The following MACROD2 variants were observed in gnomAD, a reference collection of about 807,000 sequenced individuals.
MACROD2 encodes mono-ADP ribosylhydrolase 2.
In MACROD2, 36 loss-of-function variants were observed where a neutral mutation model predicts 70.4. The observed-to-expected ratio is 0.51, with a 90% CI of 0.39 to 0.68. The LOEUF (loss-of-function observed/expected upper bound fraction) is 0.68. Ranked by LOEUF, MACROD2 falls within the 30% of genes least tolerant of loss-of-function variation. MACROD2 has a pLI of 0.00. For synonymous variants in MACROD2, 172 were observed against 178.8 expected (o/e 0.96, Z 0.30); for missense variants, 496 against 538.4 (o/e 0.92, Z 0.78).
rs545159132 is a variant in MACROD2 at position 14,482,929 on chromosome 20, C to T, written c.272-10550C>T. Among the ~76,000 whole-genome samples, 25 of 152,210 alleles carry T rather than the reference C, an allele frequency of 1.6e-4. No individual in the cohort carries two copies. In the South Asian group the frequency reaches 4.2e-3, roughly 25 times the overall value. On this transcript the variant is annotated intron_variant, in intron 3 of 17. Transcript: ENST00000684519. Reference sequence around the variant, plus strand: ...AAATACTGGTGCCAGCCTTTGGTCTCGAACATGTTACTTAACCTCTCCGTG... The same window carrying T: ...AAATACTGGTGCCAGCCTTTGGTCTTGAACATGTTACTTAACCTCTCCGTG...
Position 13,995,522 on chromosome 20 carries a change from C to T in MACROD2, c.-242C>T. 1 of 611,922 alleles carries T rather than the reference C, an allele frequency of 1.6e-6. No homozygotes were observed. Among genetic ancestry groups the T allele is most frequent in the Non-Finnish European group, 3.0e-6 (1 of 335,646 alleles). The allele number at this position is 611,922 out of a possible 1,614,324, so 37.9% of individuals were successfully genotyped here. On this transcript the variant is annotated 5_prime_UTR_variant, in exon 1 of 18. Coordinates refer to ENST00000684519, the MANE Select transcript of MACROD2 (RefSeq NM_001351661.2). This position sits in a 1 kb window ranked among gnomAD's most constrained non-coding sequence, Gnocchi z 4.3. ...CGCGAGGCGTGACCTAGTTGACAGG[C>T]TCTGAGGTGCTGCTGTGGCGGCGTC...
intron 6 of MACROD2, among the ~76,000 whole-genome samples, chr20:15,268,166 AG>A (rs1767916796): frequency 6.6e-6 from 1 of 152,086 alleles, no homozygotes. Context: ...GAGAGAGGGG[AG>A]AGTTTTAGTT....
intron 5 of MACROD2, among the ~76,000 whole-genome samples, chr20:14,882,326 C>T (rs6110458): frequency 0.25 from 37,433 of 152,018 alleles, 5,046 homozygotes; most frequent in African/African-American, 0.34. Flanking sequence ...TTTTTATCAT[C>T]GCAGTGTTTG....
At chr20:14,823,174 T>A (rs1330235408) in intron 5 of MACROD2, among the ~76,000 whole-genome samples, 2 of 152,064 alleles carry the variant, frequency 1.3e-5, no homozygotes, top group African/African-American at 2.4e-5. Flanking sequence ...GGATTCTAGG[T>A]CGTGTATATT....
intron 6 of MACROD2, among the ~76,000 whole-genome samples, chr20:15,295,595 TCACACA>T (rs3223712): frequency 0.017 from 2,473 of 147,844 alleles, 48 homozygotes; most frequent in African/African-American, 0.045. Context: ...ATGTCTGTCA[TCACACA>T]CACACACACA....
At chr20:16,004,993 G>A (rs537529392) in intron 15 of MACROD2, among the ~76,000 whole-genome samples, 1 of 152,318 alleles carries the variant, frequency 6.6e-6, no homozygotes, top group South Asian at 2.1e-4. Flanking sequence ...CTATTCTTGA[G>A]CAAAGCACAT....
chr20:14,897,611 T>G (rs1275144981), intron 5 of MACROD2, among the ~76,000 whole-genome samples: 1 of 152,148 alleles, frequency 6.6e-6, no homozygotes, highest in Non-Finnish European at 1.5e-5. Flanking sequence ...CAACAGAAAT[T>G]GACTTTGGCT....
In MACROD2 at chr20:14,541,596, C is replaced by G. The variant is rs189968454; in HGVS notation, c.301+48088C>G. ...GCCTAGCACATGTACACACAGCACA[C>G]ATCACACACACACACACACACTATA... On this transcript the variant is annotated intron_variant, in intron 4 of 17. Coordinates refer to ENST00000684519, the MANE Select transcript of MACROD2 (RefSeq NM_001351661.2). Among the ~76,000 whole-genome samples, 717 of 121,680 alleles carry G rather than the reference C, an allele frequency of 5.9e-3. 12 individuals are homozygous for G. Among genetic ancestry groups the G allele is most frequent in the African/African-American group, 0.021 (675 of 32,794 alleles). The allele number at this position is 121,680 out of a possible 152,430, so 79.8% of individuals were successfully genotyped here. A position where few individuals can be genotyped will look rare whatever the true frequency, so the allele number is the denominator to read the frequency against.
At chr20:14,151,811 CTTTTTTTT>C (rs144065987) in intron 3 of MACROD2, among the ~76,000 whole-genome samples, 7 of 59,218 alleles carry the variant, frequency 1.2e-4, no homozygotes, top group Admixed American at 6.8e-4. Flanking sequence ...TGTATTGTAT[CTTTTTTTT>C]TTTTTTTTTT....
At chr20:15,093,082 C>G (rs1241354835) in intron 5 of MACROD2, among the ~76,000 whole-genome samples, 1 of 152,126 alleles carries the variant, frequency 6.6e-6, no homozygotes, top group South Asian at 2.1e-4. Context: ...AAAACAATAT[C>G]CCACCATGCC....
chr20:14,793,345 G>T (rs2072472399), intron 5 of MACROD2, among the ~76,000 whole-genome samples: 1 of 151,976 alleles, frequency 6.6e-6, no homozygotes, highest in Non-Finnish European at 1.5e-5. Context: ...GTCCTCAAAG[G>T]AGTGTACATT....
intron 10 of MACROD2, among the ~76,000 whole-genome samples, chr20:15,896,023 A>G (rs2064966815): frequency 6.6e-6 from 1 of 152,212 alleles, no homozygotes; most frequent in Non-Finnish European, 1.5e-5. Context: ...GTTATGATAC[A>G]AAGAGTTACA....
intron 8 of MACROD2, among the ~76,000 whole-genome samples, chr20:15,689,197 A>C (rs13433239): frequency 0.15 from 23,233 of 151,956 alleles, 2,041 homozygotes; most frequent in African/African-American, 0.25. Flanking sequence ...CCAGCTACTC[A>C]GGAGGCTGAG....
intron 4 of MACROD2, among the ~76,000 whole-genome samples, chr20:14,530,773 A>C (rs1027076074): frequency 6.6e-6 from 1 of 152,294 alleles, no homozygotes; most frequent in African/African-American, 2.4e-5. Context: ...TGTGTGTTTA[A>C]TTTTCTCATT....
At chr20:14,824,280 C>T (rs1301093503) in intron 5 of MACROD2, among the ~76,000 whole-genome samples, 1 of 152,090 alleles carries the variant, frequency 6.6e-6, no homozygotes, top group Admixed American at 6.6e-5. Flanking sequence ...TTTAAACACT[C>T]TGCAGAATTC....
chr20:15,948,071 G>A (rs2065850004), intron 12 of MACROD2, among the ~76,000 whole-genome samples: 2 of 152,038 alleles, frequency 1.3e-5, no homozygotes, highest in Non-Finnish European at 2.9e-5. Flanking sequence ...TGTTGAGAGG[G>A]GGGACTGAGA....
At chr20:14,867,180 A>C (rs537791067) in intron 5 of MACROD2, among the ~76,000 whole-genome samples, 1 of 152,270 alleles carries the variant, frequency 6.6e-6, no homozygotes, top group South Asian at 2.1e-4. Context: ...TGATGAAAGA[A>C]GGCATAATTT....
intron 8 of MACROD2, among the ~76,000 whole-genome samples, chr20:15,617,506 A>C (rs1305033819): frequency 6.6e-6 from 1 of 152,262 alleles, no homozygotes; most frequent in Non-Finnish European, 1.5e-5. Flanking sequence ...GTTTCAAAAC[A>C]AAAGTAGAGA....
chr20:14,802,096 A>G (rs1028542), intron 5 of MACROD2, among the ~76,000 whole-genome samples: 131,073 of 151,978 alleles, frequency 0.86, 57,049 homozygotes, highest in African/African-American at 0.93. Context: ...ATCTCGGCCC[A>G]TCATCAAATG....
Sources: gnomAD v4.1 joint callset for allele counts (sites outside exome capture counted in the v4.1 genomes callset) on GRCh38, gnomAD v4.1.1 for gene constraint, Gnocchi (gnomAD v3.1) non-coding constraint, MANE v1.5 for transcripts, NCBI Gene and HGNC (gene_info 2026-07-23, HGNC 2026-07-21) for gene names.